STOX2: variants seen among roughly 807,000 people sequenced by gnomAD.
The protein encoded by STOX2 is storkhead-box protein 2.
In STOX2, 28 loss-of-function variants were observed where a neutral mutation model predicts 60.9. The ratio of observed to expected loss-of-function variants is 0.46; its 90% CI spans 0.34 to 0.63. The LOEUF (loss-of-function observed/expected upper bound fraction) is 0.63. STOX2 is among the 30% of genes least tolerant of loss of function. STOX2 has a pLI of 0.01. For synonymous variants in STOX2, 472 were observed against 463.9 expected, an observed-to-expected ratio of 1.02 and a Z score of -0.22; for missense variants, 1,024 against 1,187.7, an observed-to-expected ratio of 0.86 and a Z score of 2.03.
At position 183,804,380 on chromosome 4, in the gene STOX2, G is replaced by A. The variant is rs902353215; in HGVS notation, c.364+6325G>A. Among the ~76,000 whole-genome samples, 4 of 152,226 alleles carry A rather than the reference G, an allele frequency of 2.6e-5. No homozygotes were observed. The East Asian group carries it at 7.7e-4, about 29-fold the overall frequency. On this transcript the variant is annotated intron_variant, in intron 1 of 2. Transcript: ENST00000513034. ...TATCCACCAACCAGCAATGACAGAG[G>A]AGCAGGTGGAAATCAGCTTGCTATG...
At position 184,023,003 on chromosome 4, in the gene STOX2, G is replaced by A. The variant is rs947620831; in HGVS notation, c.*5719G>A. 6.6e-6 allele frequency: 1 copy of A among 152,188 alleles called. No individual in the cohort carries two copies. The highest frequency in any genetic ancestry group is 1.9e-4 in the East Asian group (1 of 5,200). The allele number at this position is 152,188 out of a possible 1,614,324, so 9.4% of individuals were successfully genotyped here. A position where few individuals can be genotyped will look rare whatever the true frequency, so the allele number is the denominator to read the frequency against. On this transcript the variant is annotated 3_prime_UTR_variant, in exon 4 of 4. Coordinates refer to ENST00000308497, the MANE Select transcript of STOX2 (RefSeq NM_020225.3). ...ATTAAATTTAAACGTCAAGTTTAAA[G>A]GGATCATAATTCTGCAGGTATCTTT...
chr4:183,822,575 C>T (rs896349082), intron 1 of STOX2, among the ~76,000 whole-genome samples: 5 of 152,210 alleles, frequency 3.3e-5, no homozygotes, highest in Admixed American at 1.3e-4. Flanking sequence ...CCCTCACATG[C>T]GCAGTTCACA....
chr4:183,883,615 C>T (rs1407147368), intron 1 of STOX2, among the ~76,000 whole-genome samples: 2 of 151,944 alleles, frequency 1.3e-5, no homozygotes, highest in Non-Finnish European at 2.9e-5. Flanking sequence ...CGCGCCTGGC[C>T]GACCTGTTAT....
chr4:183,914,667 T>C (rs894302399), intron 1 of STOX2, among the ~76,000 whole-genome samples: 2 of 152,132 alleles, frequency 1.3e-5, no homozygotes, highest in African/African-American at 4.8e-5. Context: ...ATAGCTTGGC[T>C]TTCTGTGCTT....
intron 3 of STOX2, 63 bp from the exon 4 acceptor site, chr4:184,017,026 G>T: frequency 7.3e-7 from 1 of 1,374,678 alleles, no homozygotes; most frequent in East Asian, 2.5e-5. Context: ...TCTTCCTCTG[G>T]GGCTCAATTT....
intron 1 of STOX2, among the ~76,000 whole-genome samples, chr4:183,858,087 G>A (rs1166960413): frequency 6.6e-6 from 1 of 152,112 alleles, no homozygotes; most frequent in Non-Finnish European, 1.5e-5. Context: ...CAGCTGGAAG[G>A]GCAACCCCTG....
intron 1 of STOX2, among the ~76,000 whole-genome samples, chr4:183,802,539 A>C (rs1248171612): frequency 6.6e-6 from 1 of 150,474 alleles, no homozygotes; most frequent in Admixed American, 6.6e-5. Context: ...AAGCCTGGCT[A>C]ATTTTTAACT....
At chr4:183,885,628 C>T (rs1741061646) in intron 1 of STOX2, among the ~76,000 whole-genome samples, 1 of 152,218 alleles carries the variant, frequency 6.6e-6, no homozygotes, top group Non-Finnish European at 1.5e-5. Context: ...AAGTGGATGT[C>T]TAGCCTGATG....
At chr4:183,871,280 G>A (rs1198292828) in intron 1 of STOX2, among the ~76,000 whole-genome samples, 1 of 152,138 alleles carries the variant, frequency 6.6e-6, no homozygotes, top group African/African-American at 2.4e-5. Flanking sequence ...CTCCTTGGCC[G>A]CCCTTCAGAA....
intron 1 of STOX2, among the ~76,000 whole-genome samples, chr4:183,893,819 C>T (rs1418479967): frequency 1.3e-5 from 2 of 152,082 alleles, no homozygotes; most frequent in Non-Finnish European, 2.9e-5. Context: ...CCTTGTGTCC[C>T]CATTTGTCCA....
chr4:183,884,096 CGCCCCCCTCG>C (rs1371631989), intron 1 of STOX2, among the ~76,000 whole-genome samples: 1 of 152,050 alleles, frequency 6.6e-6, no homozygotes, highest in African/African-American at 2.4e-5. Context: ...TTAGGTGATC[CGCCCCCCTCG>C]GCCTCCCAAA....
At chr4:183,928,706 A>AG (rs1000850856) in intron 1 of STOX2, among the ~76,000 whole-genome samples, 18 of 152,116 alleles carry the variant, frequency 1.2e-4, no homozygotes, top group African/African-American at 4.1e-4. Flanking sequence ...CTGAGACAGG[A>AG]GGGGATTAAC....
chr4:183,849,038 G>T (rs1740049146), intron 1 of STOX2, among the ~76,000 whole-genome samples: 1 of 152,176 alleles, frequency 6.6e-6, no homozygotes, highest in Non-Finnish European at 1.5e-5. Context: ...TTCACTCTGG[G>T]CATGTACACA....
chr4:183,849,164 G>A (rs938778707), intron 1 of STOX2, among the ~76,000 whole-genome samples: 1 of 152,296 alleles, frequency 6.6e-6, no homozygotes, highest in Admixed American at 6.5e-5. Flanking sequence ...AGATTTCCTG[G>A]GCAGTTACCA....
At chr4:183,830,798 TC>T (rs1739547383) in intron 1 of STOX2, among the ~76,000 whole-genome samples, 1 of 151,800 alleles carries the variant, frequency 6.6e-6, no homozygotes. Flanking sequence ...GGACACTTGT[TC>T]CGGTTTCAGG....
chr4:183,804,383 C>G (rs1221009766), intron 1 of STOX2, among the ~76,000 whole-genome samples: 2 of 152,166 alleles, frequency 1.3e-5, no homozygotes, highest in African/African-American at 4.8e-5. Context: ...GACAGAGGAG[C>G]AGGTGGAAAT....
At chr4:183,903,573 ACAGT>A (rs1190292961), upstream of STOX2, among the ~76,000 whole-genome samples, 1 of 152,192 alleles carries the variant, frequency 6.6e-6, no homozygotes, top group African/African-American at 2.4e-5. Context: ...CGTATTCTAG[ACAGT>A]CAGCCATTGT....
At chr4:183,975,367 C>G (rs1732409066) in intron 1 of STOX2, among the ~76,000 whole-genome samples, 1 of 151,816 alleles carries the variant, frequency 6.6e-6, no homozygotes, top group Admixed American at 6.6e-5. Flanking sequence ...AATTTGAAAA[C>G]AATAGTGGAG....
At chr4:183,895,754 A>G (rs1741325783) in intron 1 of STOX2, among the ~76,000 whole-genome samples, 1 of 152,234 alleles carries the variant, frequency 6.6e-6, no homozygotes, top group Admixed American at 6.5e-5. Flanking sequence ...CATTTGTTGG[A>G]TGAACAAAGC....
Sources: gnomAD v4.1 joint callset for allele counts (sites outside exome capture counted in the v4.1 genomes callset) on GRCh38, gnomAD v4.1.1 for gene constraint, MANE v1.5 for transcripts, NCBI Gene and HGNC (gene_info 2026-07-23, HGNC 2026-07-21) for gene names.